TNIK: variants seen among roughly 807,000 people sequenced by gnomAD.
TNIK encodes TRAF2 and NCK interacting kinase.
TNIK carries 49 observed loss-of-function variants against 191.3 expected under a neutral mutation model. The ratio of observed to expected loss-of-function variants is 0.26; its 90% confidence interval spans 0.20 to 0.32. The LOEUF (loss-of-function observed/expected upper bound fraction) is 0.32. TNIK is among the 10% of genes least tolerant of loss of function. The pLI is 1.00. For synonymous variants in TNIK, 594 were observed against 600.9 expected (o/e 0.99, Z 0.17); for missense variants, 1,155 against 1,702.3 (o/e 0.68, Z 5.66).
At chr3:171,350,314 TA>T (rs1288357021) in intron 2 of TNIK, among the ~76,000 whole-genome samples, 1 of 152,150 alleles carries the variant, frequency 6.6e-6, no homozygotes, top group East Asian at 1.9e-4. Flanking sequence ...AGCCAATCCG[TA>T]TTTGTTGAAT....
chr3:171,376,561 T>C (rs58507289), intron 1 of TNIK, among the ~76,000 whole-genome samples: 19,217 of 152,006 alleles, frequency 0.13, 1,285 homozygotes, highest in Middle Eastern at 0.22. Flanking sequence ...TACACGTACA[T>C]AGTGATTAGA....
chr3:171,338,331 CCAGTTTTCT>C (rs576338027), intron 2 of TNIK, among the ~76,000 whole-genome samples: 2 of 152,066 alleles, frequency 1.3e-5, no homozygotes, highest in Non-Finnish European at 2.9e-5. Flanking sequence ...GTAATTTTTC[CCAGTTTTCT>C]AGGTTCATGA....
intron 21 of TNIK, among the ~76,000 whole-genome samples, chr3:171,103,803 C>T (rs954901517): frequency 4.6e-5 from 7 of 151,782 alleles, no homozygotes; most frequent in African/African-American, 1.4e-4. Context: ...TACATTTTCC[C>T]CAGAGGTTTA....
chr3:171,330,040 A>C (rs1756241334), intron 2 of TNIK, among the ~76,000 whole-genome samples: 1 of 152,248 alleles, frequency 6.6e-6, no homozygotes, highest in Non-Finnish European at 1.5e-5. Flanking sequence ...CAATTATGCA[A>C]CTTCCATTAG....
chr3:171,454,256 T>C (rs2108738147), intron 1 of TNIK, among the ~76,000 whole-genome samples: 1 of 152,272 alleles, frequency 6.6e-6, no homozygotes, highest in Non-Finnish European at 1.5e-5. Context: ...GGGTGGACTT[T>C]AGAACCACTA....
chr3:171,207,417 T>C (rs1391736550), intron 4 of TNIK, among the ~76,000 whole-genome samples: 2 of 152,118 alleles, frequency 1.3e-5, no homozygotes, highest in Non-Finnish European at 2.9e-5. Flanking sequence ...CACGCTGGTC[T>C]CAGACTCTTG....
chr3:171,258,694 A>G (rs1421923101), intron 2 of TNIK, among the ~76,000 whole-genome samples: 1 of 152,144 alleles, frequency 6.6e-6, no homozygotes, highest in Non-Finnish European at 1.5e-5. Flanking sequence ...TCTTCCAGGG[A>G]CACCATGCCA....
chr3:171,149,392 G>A (rs1053783389), intron 12 of TNIK, among the ~76,000 whole-genome samples: 1 of 152,156 alleles, frequency 6.6e-6, no homozygotes, highest in African/African-American at 2.4e-5. Flanking sequence ...ACCTTCCTAT[G>A]TCTTAAAAGC....
Position 171,221,026 on chromosome 3 carries a change from C to T in TNIK, c.180+7139G>A, listed in dbSNP as rs374076696. 5.3e-5 allele frequency among the ~76,000 whole-genome samples: 8 copies of T among 152,240 alleles called. No individual in the cohort carries two copies. The East Asian group carries it at 7.7e-4, about 15-fold the overall frequency. ...TCTGTATGCAAGAAGAGGACAGATGCTAAAGTGTGCATGGAGTGGGCAGCT... is the reference window on the plus strand; with the variant it reads ...TCTGTATGCAAGAAGAGGACAGATGTTAAAGTGTGCATGGAGTGGGCAGCT... On this transcript the variant is annotated intron_variant, in intron 3 of 32. Coordinates refer to ENST00000436636, the MANE Select transcript of TNIK (RefSeq NM_015028.4).
At chr3:171,315,303 A>G (rs1754482361) in intron 2 of TNIK, among the ~76,000 whole-genome samples, 1 of 152,168 alleles carries the variant, frequency 6.6e-6, no homozygotes, top group Non-Finnish European at 1.5e-5. Context: ...GTGAACTGTG[A>G]ATCCACATTT....
intron 18 of TNIK, among the ~76,000 whole-genome samples, chr3:171,120,443 C>T (rs1727531089): frequency 6.6e-6 from 1 of 151,604 alleles, no homozygotes; most frequent in Non-Finnish European, 1.5e-5. Flanking sequence ...GCCTCAGCCT[C>T]CCAAGTAGCT....
chr3:171,322,831 TTTC>T (rs904742277), intron 2 of TNIK, among the ~76,000 whole-genome samples: 5 of 118,800 alleles, frequency 4.2e-5, no homozygotes, highest in Non-Finnish European at 6.7e-5. Context: ...TTATTGTTGT[TTTC>T]TTTTCTTTTT....
chr3:171,322,801 T>TG (rs1366587364), intron 2 of TNIK, among the ~76,000 whole-genome samples: 1 of 135,328 alleles, frequency 7.4e-6, no homozygotes, highest in Non-Finnish European at 1.6e-5. Flanking sequence ...TTGTTATTAG[T>TG]GTTTTTTTTG....
intron 2 of TNIK, among the ~76,000 whole-genome samples, chr3:171,333,929 CCA>C (rs774713990): frequency 2.0e-5 from 3 of 152,194 alleles, no homozygotes; most frequent in Non-Finnish European, 4.4e-5. Context: ...CCCTGGCCAA[CCA>C]CACTGGACAA....
At chr3:171,171,590 G>A (rs1291482660) in intron 9 of TNIK, among the ~76,000 whole-genome samples, 3 of 152,102 alleles carry the variant, frequency 2.0e-5, no homozygotes, top group Non-Finnish European at 4.4e-5. Flanking sequence ...TGCCTGTGTG[G>A]GCTCTTCAAA....
chr3:171,288,835 G>A (rs1266739615), intron 2 of TNIK, among the ~76,000 whole-genome samples: 1 of 150,926 alleles, frequency 6.6e-6, no homozygotes, highest in Non-Finnish European at 1.5e-5. Context: ...TCAATGGCTG[G>A]CAGATTTGAA....
At chr3:171,426,253 C>T (rs1005058182) in intron 1 of TNIK, among the ~76,000 whole-genome samples, 3 of 151,714 alleles carry the variant, frequency 2.0e-5, no homozygotes, top group Non-Finnish European at 1.5e-5. Context: ...ATGTCCTTTG[C>T]AGGGACATGG....
intron 1 of TNIK, among the ~76,000 whole-genome samples, chr3:171,410,223 A>G (rs1722203956): frequency 6.6e-6 from 1 of 152,196 alleles, no homozygotes; most frequent in South Asian, 2.1e-4. Flanking sequence ...AAACCACCCT[A>G]AAACTTAGTG....
chr3:171,361,386 A>G (rs971117291), intron 2 of TNIK, among the ~76,000 whole-genome samples: 6 of 152,146 alleles, frequency 3.9e-5, no homozygotes, highest in Admixed American at 3.3e-4. Flanking sequence ...AGAGCAATCG[A>G]CCCACCCATA....
Sources: gnomAD v4.1 joint callset for allele counts (sites outside exome capture counted in the v4.1 genomes callset) on GRCh38, gnomAD v4.1.1 for gene constraint, MANE v1.5 for transcripts, NCBI Gene and HGNC (gene_info 2026-07-23, HGNC 2026-07-21) for gene names.